The following TFEC variants were observed in gnomAD, a reference collection of about 807,000 sequenced individuals.
The protein encoded by TFEC is transcription factor EC, also known as class E basic helix-loop-helix protein 34.
A neutral mutation model predicts 41.6 loss-of-function variants in TFEC; 31 were observed. The ratio of observed to expected loss-of-function variants is 0.74; its 90% CI spans 0.56 to 1.01. TFEC has a LOEUF of 1.01. TFEC is among the 50% of genes least tolerant of loss of function. The pLI is 0.00. For synonymous variants in TFEC, 143 were observed against 140.6 expected (o/e 1.02, Z -0.12); for missense variants, 402 against 404.1 (o/e 0.99, Z 0.04).
At chr7:116,084,133 C>T (rs1426651012) in intron 3 of TFEC, among the ~76,000 whole-genome samples, 2 of 151,918 alleles carry the variant, frequency 1.3e-5, no homozygotes, top group African/African-American at 2.4e-5. Flanking sequence ...GATTCTCCTA[C>T]TCTGACACTT....
intron 3 of TFEC, among the ~76,000 whole-genome samples, chr7:116,038,688 A>G (rs1342811345): frequency 6.6e-6 from 1 of 152,044 alleles, no homozygotes; most frequent in Non-Finnish European, 1.5e-5. Flanking sequence ...GGCATGTCTC[A>G]TGATTGACAT....
At chr7:116,083,528 T>A (rs1340912883) in intron 3 of TFEC, among the ~76,000 whole-genome samples, 1 of 151,912 alleles carries the variant, frequency 6.6e-6, no homozygotes, top group African/African-American at 2.4e-5. Context: ...TTCAAAATTA[T>A]AAGAAAAACT....
intron 3 of TFEC, among the ~76,000 whole-genome samples, chr7:116,090,898 A>G (rs1028404341): frequency 1.3e-5 from 2 of 151,754 alleles, no homozygotes; most frequent in African/African-American, 4.8e-5. Context: ...GTTGTCACTC[A>G]TAAGTTGGAG....
chr7:115,950,892 A>G lies in TFEC; in HGVS notation c.497T>C (p.Ile166Thr). 1.2e-6 allele frequency: 2 copies of G among 1,604,942 alleles called. No individual in the cohort carries two copies. The highest frequency in any genetic ancestry group is 1.7e-6 in the Non-Finnish European group (2 of 1,175,210). ...NYRIKELGTLIPKSNDPDMRW... is the reference protein window; with the variant it reads ...NYRIKELGTLTPKSNDPDMRW... ...AACTCACGGATCATTAGACTTTGGA[A>G]TAAGAGTGCCAAGCTCCTTGATTCG... Residue 166 changes from isoleucine (I) to threonine (T), a missense_variant, in exon 6 of 8, where the codon ATT becomes ACT. Transcript: ENST00000265440.
intron 3 of TFEC, among the ~76,000 whole-genome samples, chr7:116,098,707 A>G (rs919381612): frequency 2.6e-5 from 4 of 152,208 alleles, no homozygotes; most frequent in South Asian, 4.1e-4. Flanking sequence ...ATGACCAAAC[A>G]TTAACTAAGA....
intron 1 of TFEC, among the ~76,000 whole-genome samples, chr7:116,115,427 C>T (rs568659185): frequency 4.9e-4 from 74 of 152,098 alleles, no homozygotes; most frequent in African/African-American, 1.8e-3. Context: ...GGATAATCCA[C>T]TTTCCTGCTT....
chr7:116,057,499 C>G (rs889469256), intron 3 of TFEC, among the ~76,000 whole-genome samples: 3 of 151,682 alleles, frequency 2.0e-5, no homozygotes, highest in Admixed American at 6.6e-5. Context: ...CACCAGCATA[C>G]CCATACTATA....
chr7:116,086,876 A>G (rs1339917002), intron 3 of TFEC, among the ~76,000 whole-genome samples: 1 of 151,946 alleles, frequency 6.6e-6, no homozygotes, highest in Non-Finnish European at 1.5e-5. Flanking sequence ...TACATTTTCT[A>G]CGAGATTATT....
chr7:115,975,921 A>G (rs1166668637), intron 2 of TFEC, among the ~76,000 whole-genome samples: 1 of 152,126 alleles, frequency 6.6e-6, no homozygotes, highest in Admixed American at 6.6e-5. Flanking sequence ...TGAAGTGGAA[A>G]AGTATGCAAG....
At chr7:116,062,558 CTCATATATATATATATAT>C (rs1455432812) in intron 3 of TFEC, among the ~76,000 whole-genome samples, 2 of 61,680 alleles carry the variant, frequency 3.2e-5, no homozygotes, top group Non-Finnish European at 6.1e-5. Flanking sequence ...CTGAGTAGTA[CTCATATATATATATATAT>C]ATATATATAT....
intron 3 of TFEC, among the ~76,000 whole-genome samples, chr7:116,060,720 T>C (rs930867176): frequency 3.3e-5 from 5 of 151,710 alleles, no homozygotes; most frequent in African/African-American, 1.2e-4. Context: ...AATGGGGAGA[T>C]GGGAAGAAGG....
intron 3 of TFEC, among the ~76,000 whole-genome samples, chr7:116,070,006 T>C (rs992596510): frequency 2.6e-5 from 4 of 151,392 alleles, no homozygotes; most frequent in Non-Finnish European, 4.4e-5. Flanking sequence ...GTTAAATAAT[T>C]TGTAGAATAT....
At chr7:115,990,114 G>A (rs898144313) in intron 1 of TFEC, among the ~76,000 whole-genome samples, 1 of 152,198 alleles carries the variant, frequency 6.6e-6, no homozygotes, top group Non-Finnish European at 1.5e-5. Flanking sequence ...AAGGAAAACG[G>A]TGTCTGGAGT....
At chr7:115,995,822 G>A (rs1250060387) in intron 1 of TFEC, among the ~76,000 whole-genome samples, 3 of 152,158 alleles carry the variant, frequency 2.0e-5, no homozygotes, top group African/African-American at 7.2e-5. Context: ...ACTCAGTGCT[G>A]TCCTGACACA....
chr7:116,137,099 T>C (rs764139761), intron 1 of TFEC, among the ~76,000 whole-genome samples: 19 of 152,140 alleles, frequency 1.2e-4, no homozygotes, highest in African/African-American at 1.9e-4. Flanking sequence ...CATGTTCTGT[T>C]GTGTCTCTAT....
chr7:116,073,406 T>A (rs1180406977), intron 3 of TFEC, among the ~76,000 whole-genome samples: 1 of 151,828 alleles, frequency 6.6e-6, no homozygotes, highest in Non-Finnish European at 1.5e-5. Flanking sequence ...AAAATTGTTT[T>A]AATTAATGAT....
intron 3 of TFEC, among the ~76,000 whole-genome samples, chr7:116,108,796 G>A (rs1000423200): frequency 2.6e-5 from 4 of 152,038 alleles, no homozygotes; most frequent in Non-Finnish European, 2.9e-5. Flanking sequence ...TCTACAAAAC[G>A]TAATCTTCAG....
chr7:116,138,156 AT>A (rs1490290579), intron 1 of TFEC, among the ~76,000 whole-genome samples: 1 of 152,176 alleles, frequency 6.6e-6, no homozygotes, highest in Non-Finnish European at 1.5e-5. Context: ...TAAATTAAAA[AT>A]CTGACACTGC....
chr7:116,058,207 C>T (rs1199251936), intron 3 of TFEC, among the ~76,000 whole-genome samples: 1 of 151,552 alleles, frequency 6.6e-6, no homozygotes, highest in African/African-American at 2.4e-5. Flanking sequence ...ACCACACTAA[C>T]ACGGATCAAA....
Sources: gnomAD v4.1 joint callset for allele counts (sites outside exome capture counted in the v4.1 genomes callset) on GRCh38, gnomAD v4.1.1 for gene constraint, MANE v1.5 for transcripts, NCBI Gene and HGNC (gene_info 2026-07-23, HGNC 2026-07-21) for gene names.